Variants in NAV3 observed in about 807,000 individuals in gnomAD.
NAV3 encodes neuron navigator 3.
NAV3 carries 87 observed loss-of-function variants against 244.7 expected under a neutral mutation model. The observed-to-expected ratio is 0.36, with a 90% CI of 0.30 to 0.42. The LOEUF (loss-of-function observed/expected upper bound fraction) is 0.42. Ranked by LOEUF, NAV3 falls within the 20% of genes least tolerant of loss-of-function variation. The pLI is 1.00. For synonymous variants in NAV3, 1,126 were observed against 1,042.2 expected, an observed-to-expected ratio of 1.08 and a Z score of -1.55; for missense variants, 2,663 against 2,893.3, an observed-to-expected ratio of 0.92 and a Z score of 1.83.
At chr12:77,878,209 G>A (rs936722151) in intron 1 of NAV3, among the ~76,000 whole-genome samples, 2 of 151,920 alleles carry the variant, frequency 1.3e-5, no homozygotes, top group East Asian at 1.9e-4. Flanking sequence ...TACGGAATTA[G>A]TTAGTAATTT....
At chr12:77,826,956 T>C (rs988911508), upstream of NAV3, among the ~76,000 whole-genome samples, 5 of 152,190 alleles carry the variant, frequency 3.3e-5, no homozygotes, top group Admixed American at 1.3e-4. Flanking sequence ...GCACAGTGGT[T>C]CACGCTTGTA....
chr12:77,991,979 C>T (rs1465919317), intron 5 of NAV3, among the ~76,000 whole-genome samples: 2 of 151,298 alleles, frequency 1.3e-5, no homozygotes, highest in African/African-American at 4.9e-5. Context: ...TGCAGTGAGC[C>T]GAGATTACGC....
intron 5 of NAV3, among the ~76,000 whole-genome samples, chr12:77,980,446 A>G: frequency 6.6e-6 from 1 of 152,214 alleles, no homozygotes; most frequent in Admixed American, 6.5e-5. Context: ...ATTTTCCTGA[A>G]TATATGTATT....
chr12:77,872,132 G>A (rs1310398944), intron 1 of NAV3, among the ~76,000 whole-genome samples: 1 of 152,048 alleles, frequency 6.6e-6, no homozygotes, highest in Non-Finnish European at 1.5e-5. Flanking sequence ...TTTTGATGGG[G>A]TTGTGTTTTT....
chr12:78,086,833 T>A (rs1302611365), intron 12 of NAV3, among the ~76,000 whole-genome samples: 1 of 152,156 alleles, frequency 6.6e-6, no homozygotes, highest in Non-Finnish European at 1.5e-5. Context: ...CTCATCTATG[T>A]GTTGGGATCC....
intron 2 of NAV3, among the ~76,000 whole-genome samples, chr12:77,725,635 A>G (rs1876843378): frequency 6.8e-6 from 1 of 147,288 alleles, no homozygotes; most frequent in Admixed American, 6.8e-5. Flanking sequence ...TTTGGAAAGG[A>G]AAAAAAAAAA....
chr12:77,592,099 G>T (rs1869934140), intron 2 of NAV3, among the ~76,000 whole-genome samples: 1 of 152,176 alleles, frequency 6.6e-6, no homozygotes. Context: ...TTTGGATTCT[G>T]CCTAGCTCAT....
chr12:77,662,790 A>T (rs953873263), intron 2 of NAV3, among the ~76,000 whole-genome samples: 9 of 152,162 alleles, frequency 5.9e-5, no homozygotes, highest in African/African-American at 1.7e-4. Context: ...TACTTAGACA[A>T]TGTGCAGAAA....
intron 2 of NAV3, among the ~76,000 whole-genome samples, chr12:77,653,430 G>C (rs1009751144): frequency 6.6e-6 from 1 of 152,136 alleles, no homozygotes; most frequent in African/African-American, 2.4e-5. Flanking sequence ...TCTCAAATCT[G>C]ACTTAAAATT....
chr12:77,765,259 A>G (rs1236115785), intron 2 of NAV3, among the ~76,000 whole-genome samples: 1 of 152,090 alleles, frequency 6.6e-6, no homozygotes, highest in Non-Finnish European at 1.5e-5. Context: ...TCTGTTCTCT[A>G]TTGCCTCTCA....
chr12:77,674,743 C>G (rs1874134285), intron 2 of NAV3, among the ~76,000 whole-genome samples: 1 of 152,132 alleles, frequency 6.6e-6, no homozygotes, highest in African/African-American at 2.4e-5. Flanking sequence ...GCATTTATAT[C>G]CATGCATTCA....
chr12:77,673,004 A>G (rs1007473276), intron 2 of NAV3, among the ~76,000 whole-genome samples: 2 of 152,044 alleles, frequency 1.3e-5, no homozygotes, highest in East Asian at 1.9e-4. Context: ...CGTGATATGT[A>G]TTTGTACATT....
Position 77,837,420 on chromosome 12 carries a change from C to T in NAV3, c.243+5716C>T, listed in dbSNP as rs563873948. The stretch of plus-strand genomic sequence containing the variant: ...TCATTGCAGACAGGTCTAATATTAA[C>T]CAATGGTTAGAGAATGGCTGTATGT... On this transcript the variant is annotated intron_variant, in intron 1 of 39. Coordinates refer to ENST00000397909, the MANE Select transcript of NAV3 (RefSeq NM_001024383.2). 2.0e-4 allele frequency among the ~76,000 whole-genome samples: 30 copies of T among 152,004 alleles called. No individual in the cohort carries two copies. In the South Asian group the frequency reaches 4.0e-3, roughly 20 times the overall value.
chr12:77,650,868 A>G (rs1872791309), intron 2 of NAV3, among the ~76,000 whole-genome samples: 1 of 152,272 alleles, frequency 6.6e-6, no homozygotes, highest in South Asian at 2.1e-4. Context: ...AGACTTAATA[A>G]AAATGAAGAT....
intron 3 of NAV3, among the ~76,000 whole-genome samples, chr12:77,943,916 T>A (rs1890096994): frequency 1.3e-5 from 2 of 152,298 alleles, no homozygotes; most frequent in Admixed American, 1.3e-4. Context: ...GAATAGAAGA[T>A]CCCTTTTGTT....
intron 1 of NAV3, among the ~76,000 whole-genome samples, chr12:77,902,059 C>A (rs1885361433): frequency 6.6e-6 from 1 of 152,186 alleles, no homozygotes; most frequent in African/African-American, 2.4e-5. Flanking sequence ...GATATATATA[C>A]ATAATTTTCA....
chr12:77,864,792 C>T (rs1200055870), intron 1 of NAV3, among the ~76,000 whole-genome samples: 1 of 151,572 alleles, frequency 6.6e-6, no homozygotes, highest in Non-Finnish European at 1.5e-5. Flanking sequence ...TTGTTTTTTC[C>T]TTTAAAGAAT....
chr12:77,643,412 T>C (rs1003079130), intron 2 of NAV3, among the ~76,000 whole-genome samples: 1 of 151,764 alleles, frequency 6.6e-6, no homozygotes, highest in African/African-American at 2.4e-5. Context: ...TAAATATCTT[T>C]TGTTTCTCTG....
intron 35 of NAV3, 83 bp from the exon 36 acceptor site, chr12:78,198,522 C>A: frequency 2.6e-6 from 2 of 775,420 alleles, no homozygotes; most frequent in Admixed American, 2.4e-5. Flanking sequence ...CCATATCTAT[C>A]CTAGTAGTTT....
Sources: gnomAD v4.1 joint callset for allele counts (sites outside exome capture counted in the v4.1 genomes callset) on GRCh38, gnomAD v4.1.1 for gene constraint, MANE v1.5 for transcripts, NCBI Gene and HGNC (gene_info 2026-07-23, HGNC 2026-07-21) for gene names.